ZFYVE9: variants seen among roughly 807,000 people sequenced by gnomAD.
ZFYVE9 encodes zinc finger FYVE domain-containing protein 9.
A neutral mutation model predicts 126.7 loss-of-function variants in ZFYVE9; 43 were observed. The observed-to-expected ratio is 0.34, with a 90% CI of 0.27 to 0.44. The LOEUF is 0.44. Among genes scored for constraint, ZFYVE9 ranks in the 20% least tolerant of loss-of-function variants. The probability of loss-of-function intolerance (pLI) is 1.00; values close to 1 mark genes in which losing one functional copy is unlikely to be tolerated. For missense variants in ZFYVE9, 1,476 were observed against 1,697.0 expected (o/e 0.87, Z 2.29); for synonymous variants, 521 against 597.4 (o/e 0.87, Z 1.87).
At chr1:52,268,662 C>G in intron 7 of ZFYVE9, 30 bp downstream of exon 7, 1 of 1,606,926 alleles carries the variant, frequency 6.2e-7, no homozygotes, top group Non-Finnish European at 8.5e-7. Context: ...ACTAAAATTG[C>G]ATAGCTACTT....
intron 10 of ZFYVE9, among the ~76,000 whole-genome samples, chr1:52,284,434 T>C (rs1477060547): frequency 6.6e-6 from 1 of 152,034 alleles, no homozygotes; most frequent in Non-Finnish European, 1.5e-5. Context: ...TTTTTTTTTT[T>C]TTTGAGATGG....
At chr1:52,327,370 G>C (rs1037226541) in intron 13 of ZFYVE9, among the ~76,000 whole-genome samples, 1 of 152,062 alleles carries the variant, frequency 6.6e-6, no homozygotes, top group African/African-American at 2.4e-5. Flanking sequence ...TTGGGAGGCT[G>C]AGTCGGGCAG....
chr1:52,275,139 C>CACTA (rs1645732607), intron 8 of ZFYVE9, among the ~76,000 whole-genome samples: 2 of 152,150 alleles, frequency 1.3e-5, no homozygotes, highest in Non-Finnish European at 2.9e-5. Flanking sequence ...ATGTGCCAAT[C>CACTA]TGGTACATGG....
intron 1 of ZFYVE9, chr1:52,160,418 T>G (rs996401909): frequency 9.6e-7 from 1 of 1,043,012 alleles, no homozygotes; most frequent in African/African-American, 1.6e-5. Flanking sequence ...TTCTACATTC[T>G]TCCATCCTCC....
At chr1:52,274,619 T>A (rs757781974) in intron 8 of ZFYVE9, 35 bp downstream of exon 8, 1 of 1,548,622 alleles carries the variant, frequency 6.5e-7, no homozygotes, top group African/African-American at 1.4e-5. Context: ...GTGATAGTTC[T>A]ATCTGCCAAA....
chr1:52,211,142 A>G (rs1418522465), intron 1 of ZFYVE9, among the ~76,000 whole-genome samples: 1 of 152,204 alleles, frequency 6.6e-6, no homozygotes, highest in Admixed American at 6.5e-5. Context: ...AGGAGTGGTC[A>G]GAAACTGTAT....
intron 4 of ZFYVE9, among the ~76,000 whole-genome samples, chr1:52,244,947 C>T (rs1050269713): frequency 1.2e-4 from 19 of 152,102 alleles, no homozygotes; most frequent in African/African-American, 4.6e-4. Context: ...AGCTTGAGAT[C>T]ATGAGTTCGA....
chr1:52,303,666 A>G (rs1037469135), intron 12 of ZFYVE9, among the ~76,000 whole-genome samples, 155 bp from the exon 13 acceptor site: 21 of 152,368 alleles, frequency 1.4e-4, no homozygotes, highest in Admixed American at 5.2e-4. Context: ...GCTAAAATAC[A>G]TATAGTGGGG....
At chr1:52,307,582 T>C (rs1016521851) in intron 13 of ZFYVE9, among the ~76,000 whole-genome samples, 1 of 152,038 alleles carries the variant, frequency 6.6e-6, no homozygotes, top group African/African-American at 2.4e-5. Context: ...CAACAATAGC[T>C]CCTATTCATA....
chr1:52,188,223 G>T (rs1644782549), intron 1 of ZFYVE9, among the ~76,000 whole-genome samples: 2 of 8,780 alleles, frequency 2.3e-4, no homozygotes, highest in African/African-American at 7.8e-4. Context: ...AACTAATGCA[G>T]GAACAGAAAC....
chr1:52,194,528 A>C (rs1414924681), intron 1 of ZFYVE9, among the ~76,000 whole-genome samples: 2 of 152,220 alleles, frequency 1.3e-5, no homozygotes, highest in Non-Finnish European at 2.9e-5. Context: ...AAAAATACAA[A>C]TTAGAAAATA....
intron 2 of ZFYVE9, among the ~76,000 whole-genome samples, chr1:52,231,258 G>A (rs140747095): frequency 1.4e-4 from 21 of 152,106 alleles, no homozygotes; most frequent in Non-Finnish European, 2.1e-4. Flanking sequence ...TGGCTCATGC[G>A]TGTAATCCCA....
chr1:52,341,191 G>A (rs1208931349), intron 17 of ZFYVE9, among the ~76,000 whole-genome samples: 2 of 152,254 alleles, frequency 1.3e-5, no homozygotes, highest in African/African-American at 4.8e-5. Flanking sequence ...TTGCACGCCA[G>A]CCTGGGCAAC....
At chr1:52,180,894 G>T (rs1169195982) in intron 1 of ZFYVE9, among the ~76,000 whole-genome samples, 1 of 144,458 alleles carries the variant, frequency 6.9e-6, no homozygotes, top group Non-Finnish European at 1.5e-5. Flanking sequence ...AGAATCACTT[G>T]AACCTGGGAG....
chr1:52,185,426 ATGAAAT>A (rs1644756161), intron 1 of ZFYVE9, among the ~76,000 whole-genome samples: 2 of 152,228 alleles, frequency 1.3e-5, no homozygotes. Context: ...GAAATTAAAA[ATGAAAT>A]TATAAGCCTG....
chr1:52,218,813 G>C (rs189853305), intron 2 of ZFYVE9, among the ~76,000 whole-genome samples: 8 of 152,246 alleles, frequency 5.3e-5, no homozygotes, highest in East Asian at 1.9e-4. Context: ...AGCGGGTAAT[G>C]GGGGGAGATG....
In ZFYVE9 at chr1:52,240,993, G is replaced by A. The variant is rs537873239; in HGVS notation, c.2178+1398G>A. On this transcript the variant is annotated intron_variant, in intron 4 of 18. Transcript: ENST00000287727. ...GGATGAGTAAGTCTAGACGTCTAAT[G>A]TACTACATGAGGACTATGCATAATA... Among the ~76,000 whole-genome samples the A allele has an allele frequency of 2.0e-5, 3 of 152,286 alleles. No individual in the cohort carries two copies. In the South Asian group the frequency reaches 6.2e-4, roughly 32 times the overall value.
At chr1:52,282,274 T>C (rs1452011711) in intron 10 of ZFYVE9, among the ~76,000 whole-genome samples, 2 of 152,146 alleles carry the variant, frequency 1.3e-5, no homozygotes, top group Non-Finnish European at 2.9e-5. Flanking sequence ...AGTAAAAGCA[T>C]AGAGGTTAGA....
At chr1:52,177,522 G>A (rs769861841) in intron 1 of ZFYVE9, among the ~76,000 whole-genome samples, 19 of 152,266 alleles carry the variant, frequency 1.2e-4, no homozygotes, top group Admixed American at 2.6e-4. Flanking sequence ...TCTCAAGACC[G>A]TGCTTAAGTG....
Sources: gnomAD v4.1 joint callset for allele counts (sites outside exome capture counted in the v4.1 genomes callset) on GRCh38, gnomAD v4.1.1 for gene constraint, MANE v1.5 for transcripts, NCBI Gene and HGNC (gene_info 2026-07-23, HGNC 2026-07-21) for gene names.